Variants in MAML3 observed in about 807,000 individuals in gnomAD.
MAML3 encodes mastermind like transcriptional coactivator 3, also known as mastermind-like protein 3.
MAML3 carries 27 observed loss-of-function variants against 101.9 expected under a neutral mutation model. The ratio of observed to expected loss-of-function variants is 0.27; its 90% CI spans 0.20 to 0.37. The LOEUF (loss-of-function observed/expected upper bound fraction) is 0.37. Among genes scored for constraint, MAML3 ranks in the 10% least tolerant of loss-of-function variants. The probability of loss-of-function intolerance (pLI) is 1.00; values close to 1 mark genes in which losing one functional copy is unlikely to be tolerated. For synonymous variants in MAML3, 501 were observed against 555.9 expected (o/e 0.90, Z 1.39); for missense variants, 1,316 against 1,444.9 (o/e 0.91, Z 1.45).
chr4:139,830,608 G>T (rs1327976531), intron 2 of MAML3, among the ~76,000 whole-genome samples: 1 of 151,792 alleles, frequency 6.6e-6, no homozygotes, highest in African/African-American at 2.4e-5. Flanking sequence ...TAGAGACGGG[G>T]TTTCACTGTG....
intron 2 of MAML3, among the ~76,000 whole-genome samples, chr4:139,839,118 G>C (rs1318400295): frequency 6.6e-6 from 1 of 152,162 alleles, no homozygotes; most frequent in East Asian, 1.9e-4. Flanking sequence ...TCTGATTCAT[G>C]GACACCACTT....
Position 139,753,341 on chromosome 4 carries a change from A to AATCTATGT in MAML3, c.2080-22675_2080-22674insACATAGAT, listed in dbSNP as rs1553954177. On this transcript the variant is annotated intron_variant, in intron 2 of 4. Transcript: ENST00000509479. ...TTCTTTGCTTTTTTCTTTTCTTTTT[A>AATCTATGT]ATCTATCTATCTATCTATCTATCTA... Among the ~76,000 whole-genome samples the AATCTATGT allele has an allele frequency of 2.0e-5, 3 of 146,578 alleles. No individual in the cohort carries two copies. In the Admixed American group the frequency reaches 2.1e-4, roughly 10 times the overall value.
intron 1 of MAML3, among the ~76,000 whole-genome samples, chr4:140,111,731 A>G (rs1728441707): frequency 6.6e-6 from 1 of 152,204 alleles, no homozygotes; most frequent in African/African-American, 2.4e-5. Context: ...TGTCTTCTGT[A>G]ATCTTCATTT....
At chr4:140,026,339 C>T (rs1357160589) in intron 1 of MAML3, among the ~76,000 whole-genome samples, 2 of 152,134 alleles carry the variant, frequency 1.3e-5, no homozygotes, top group Non-Finnish European at 2.9e-5. Flanking sequence ...ACTGCAACCT[C>T]CACCTCCCAG....
In MAML3 at chr4:139,717,049, TTATATG is replaced by T. The variant is rs1334311251; in HGVS notation, c.*2268_*2273del. 5.2e-5 allele frequency: 8 copies of T among 152,390 alleles called. No individual in the cohort carries two copies. The highest frequency in any genetic ancestry group is 1.9e-4 in the African/African-American group (8 of 41,418). 9.4% of individuals were successfully genotyped at this position (152,390 alleles called of 1,614,324 possible). On this transcript the variant is annotated 3_prime_UTR_variant, in exon 5 of 5. Transcript: ENST00000509479. ...TTTTAAACAAACAGTATATATATAT[TTATATG>T]TATATTTTTTACAGATAGTAGACCC... is the stretch of plus-strand genomic sequence containing the variant.
At chr4:139,820,381 C>T (rs1730955265) in intron 2 of MAML3, among the ~76,000 whole-genome samples, 1 of 152,164 alleles carries the variant, frequency 6.6e-6, no homozygotes, top group South Asian at 2.1e-4. Flanking sequence ...TTTAACTATC[C>T]TATCACTCAT....
intron 1 of MAML3, among the ~76,000 whole-genome samples, chr4:140,151,948 T>G (rs1020337800): frequency 6.6e-6 from 1 of 152,096 alleles, no homozygotes; most frequent in South Asian, 2.1e-4. Context: ...CCCCCAAAGT[T>G]GGCGGGCAGC....
chr4:139,941,277 A>G (rs1733591242), intron 1 of MAML3, among the ~76,000 whole-genome samples: 1 of 152,158 alleles, frequency 6.6e-6, no homozygotes, highest in African/African-American at 2.4e-5. Flanking sequence ...AGCCTTAGTT[A>G]TATGTGTTTA....
intron 1 of MAML3, among the ~76,000 whole-genome samples, chr4:140,108,395 G>C (rs901058877): frequency 2.0e-5 from 3 of 151,684 alleles, no homozygotes; most frequent in Admixed American, 6.6e-5. Context: ...ACAAAACTGT[G>C]AGCTCCCTGA....
chr4:139,975,280 T>C (rs115682526), intron 1 of MAML3, among the ~76,000 whole-genome samples: 2,267 of 152,266 alleles, frequency 0.015, 37 homozygotes, highest in Middle Eastern at 0.024. Context: ...TTCACATGCG[T>C]TTCCTCTGCC....
chr4:139,730,832 G>A lies in MAML3; in HGVS notation c.2080-165C>T, dbSNP rs77045340. On this transcript the variant is annotated intron_variant, in intron 2 of 4. Coordinates refer to ENST00000509479, the MANE Select transcript of MAML3 (RefSeq NM_018717.5). ...TTTCCATAAACGTAGCTTCAAACCCGACCTTACCTGAGTAGAATGAGAGAG... is the reference window on the plus strand; with the variant it reads ...TTTCCATAAACGTAGCTTCAAACCCAACCTTACCTGAGTAGAATGAGAGAG... 12 of 634,964 alleles carry A rather than the reference G, an allele frequency of 1.9e-5. No homozygotes were observed. The East Asian group carries it at 2.7e-4, about 14-fold the overall frequency. 39.3% of individuals were successfully genotyped at this position (634,964 alleles called of 1,614,324 possible). A position where few individuals can be genotyped will look rare whatever the true frequency, so the allele number is the denominator to read the frequency against.
intron 2 of MAML3, among the ~76,000 whole-genome samples, chr4:139,784,574 G>T (rs546282062): frequency 6.6e-6 from 1 of 152,142 alleles, no homozygotes; most frequent in African/African-American, 2.4e-5. Context: ...TCTTGTGCGC[G>T]TGTGTGGGTC....
intron 2 of MAML3, among the ~76,000 whole-genome samples, chr4:139,737,557 A>T (rs1194184899): frequency 6.6e-6 from 1 of 151,762 alleles, no homozygotes; most frequent in Non-Finnish European, 1.5e-5. Flanking sequence ...AATATGCATC[A>T]TTTTTTTTAA....
chr4:139,768,223 TG>T (rs1453183414), intron 2 of MAML3, among the ~76,000 whole-genome samples: 2 of 7,266 alleles, frequency 2.8e-4, no homozygotes, highest in South Asian at 6.8e-3. Flanking sequence ...TGTTGATAGT[TG>T]TGTGTGTGTG....
intron 1 of MAML3, among the ~76,000 whole-genome samples, chr4:139,979,763 C>T (rs1269813478): frequency 6.6e-6 from 1 of 152,120 alleles, no homozygotes; most frequent in Non-Finnish European, 1.5e-5. Context: ...AGAGAGTAGC[C>T]CTCCCCAGAC....
At chr4:140,099,548 T>C (rs1265223049) in intron 1 of MAML3, among the ~76,000 whole-genome samples, 2 of 152,188 alleles carry the variant, frequency 1.3e-5, no homozygotes, top group African/African-American at 2.4e-5. Flanking sequence ...CAAGGTTTCA[T>C]GGGAAATCAT....
At position 139,770,717 on chromosome 4, in the gene MAML3, C is replaced by T. The variant is rs113754463; in HGVS notation, c.2080-40050G>A. On this transcript the variant is annotated intron_variant, in intron 2 of 4. Coordinates refer to ENST00000509479, the MANE Select transcript of MAML3 (RefSeq NM_018717.5). ...TTTTTAGAATTAGCTCAGTAGCCCT[C>T]AGCCCAAAGGTGAACTCCAAAGACC... Among the ~76,000 whole-genome samples the T allele has an allele frequency of 2.2e-3, 335 of 152,314 alleles. 1 individual carries two copies. Among genetic ancestry groups the T allele is most frequent in the Admixed American group, 4.7e-3 (72 of 15,304 alleles).
chr4:139,720,124 G>A lies in MAML3; in HGVS notation c.2616C>T (p.Tyr872=). The change falls in exon 5 of 5, where the codon TAC becomes TAT. Residue 872 remains tyrosine (Y), a synonymous_variant. Coordinates refer to ENST00000509479, the MANE Select transcript of MAML3 (RefSeq NM_018717.5). ...TTTGGGTCATGCCTGTGCTCATATT[G>A]TACATTCCTGGTTGGCTGGTAGGCG... ...STTPTSQPGM[Y]NMSTGMTQML... The A allele has an allele frequency of 1.9e-6, 3 of 1,614,060 alleles. No homozygotes were observed. The highest frequency in any genetic ancestry group is 1.7e-6 in the Non-Finnish European group (2 of 1,179,904).
At chr4:139,786,463 C>T (rs758529845) in intron 2 of MAML3, among the ~76,000 whole-genome samples, 6 of 152,078 alleles carry the variant, frequency 3.9e-5, no homozygotes, top group Admixed American at 3.3e-4. Context: ...ATGCTAATTT[C>T]ACAGGGACTA....
Sources: gnomAD v4.1 joint callset for allele counts (sites outside exome capture counted in the v4.1 genomes callset) on GRCh38, gnomAD v4.1.1 for gene constraint, MANE v1.5 for transcripts, NCBI Gene and HGNC (gene_info 2026-07-23, HGNC 2026-07-21) for gene names.